PKD1L3: variants seen among roughly 807,000 people sequenced by gnomAD.
The protein encoded by PKD1L3 is polycystin 1 like 3, transient receptor potential channel interacting.
In PKD1L3, 239 loss-of-function variants were observed where a neutral mutation model predicts 184.1. The ratio of observed to expected loss-of-function variants is 1.30; its 90% CI spans 1.17 to 1.45. PKD1L3 has a LOEUF of 1.45. Among genes scored for constraint, PKD1L3 ranks in the 40% most tolerant of loss-of-function variants. The pLI, the probability that PKD1L3 is intolerant of heterozygous loss-of-function variation, is 0.00. For synonymous variants in PKD1L3, 996 were observed against 778.8 expected, an observed-to-expected ratio of 1.28 and a Z score of -4.64; for missense variants, 2,660 against 2,067.2, an observed-to-expected ratio of 1.29 and a Z score of -5.56.
intron 6 of PKD1L3, 42 bp from the exon 7 acceptor site, chr16:71,982,277 G>GGTTT: frequency 1.4e-6 from 1 of 690,260 alleles, no homozygotes; most frequent in Non-Finnish European, 1.9e-6. Flanking sequence ...TGAATTGTTT[G>GGTTT]CTTTTTTTTT....
chr16:71,947,656 G>T, intron 21 of PKD1L3, 65 bp from the exon 22 acceptor site: 1 of 1,114,328 alleles, frequency 9.0e-7, no homozygotes, highest in Non-Finnish European at 1.3e-6. Context: ...AATACCGTAT[G>T]TAAAGGAAGA....
At chr16:71,936,601 C>T (rs1329774852) in intron 25 of PKD1L3, among the ~76,000 whole-genome samples, 2 of 149,080 alleles carry the variant, frequency 1.3e-5, no homozygotes, top group Non-Finnish European at 3.0e-5. Context: ...CTCACTGCAA[C>T]CTCCGCCTCC....
intron 21 of PKD1L3, among the ~76,000 whole-genome samples, chr16:71,949,347 T>A (rs917872998): frequency 2.5e-5 from 3 of 122,426 alleles, no homozygotes; most frequent in African/African-American, 7.2e-5. Flanking sequence ...GTCAGTTTGC[T>A]TTTTTTTTTT....
intron 22 of PKD1L3, among the ~76,000 whole-genome samples, chr16:71,944,687 CA>C (rs2038493036): frequency 6.9e-6 from 1 of 145,866 alleles, no homozygotes; most frequent in African/African-American, 2.5e-5. Context: ...ATAGCAAGAC[CA>C]TATCTGTTTT....
intron 15 of PKD1L3, 82 bp from the exon 16 acceptor site, chr16:71,963,433 G>T (rs947052133): frequency 5.9e-6 from 8 of 1,346,564 alleles, no homozygotes; most frequent in South Asian, 3.3e-5. Context: ...CAGACCATTA[G>T]TAAACTGTCC....
intron 21 of PKD1L3, among the ~76,000 whole-genome samples, chr16:71,947,799 T>C (rs1177822668): frequency 2.6e-5 from 4 of 152,242 alleles, no homozygotes; most frequent in South Asian, 4.1e-4. Context: ...AATATTCATA[T>C]TTTTTGCTTA....
chr16:71,941,657 TCA>T (rs1208602954), intron 24 of PKD1L3, among the ~76,000 whole-genome samples: 1 of 144,230 alleles, frequency 6.9e-6, no homozygotes, highest in African/African-American at 2.6e-5. Flanking sequence ...CCGTCTCAGC[TCA>T]CTGCAACCTC....
Position 71,963,496 on chromosome 16 carries a change from T to C in PKD1L3, c.2466-145A>G, listed in dbSNP as rs927556443. ...CAAGAACTAAGGAAAGGAAAGAAAG[T>C]TGAGGCCAGACATGGTGATGCACAC... is the stretch of plus-strand genomic sequence containing the variant. On this transcript the variant is annotated intron_variant, in intron 15 of 29. Transcript: ENST00000620267. 30 of 901,022 alleles carry C rather than the reference T, an allele frequency of 3.3e-5. No homozygotes were observed. The South Asian group carries it at 5.5e-4, about 16-fold the overall frequency. 55.8% of individuals were successfully genotyped at this position (901,022 alleles called of 1,614,324 possible).
At position 71,986,341 on chromosome 16, in the gene PKD1L3, G is replaced by A. The variant is rs372906367; in HGVS notation, c.714C>T (p.Pro238=). 111 of 1,552,030 alleles carry A rather than the reference G, an allele frequency of 7.2e-5. No individual in the cohort carries two copies. The African/African-American group carries it at 1.3e-3, about 18-fold the overall frequency. ...PLPVITQLTM[P]VSVTHAGQSL... Reference sequence around the variant, plus strand: ...ATTGCCCAGCATGCGTGACAGACACGGGCATGGTGAGCTGTGTTATCACAG... The same window carrying A: ...ATTGCCCAGCATGCGTGACAGACACAGGCATGGTGAGCTGTGTTATCACAG... The change falls in exon 5 of 30, where the codon CCC becomes CCT. Residue 238 remains proline (P), a synonymous_variant. Coordinates refer to ENST00000620267, the MANE Select transcript of PKD1L3 (RefSeq NM_181536.2).
At chr16:71,960,540 AT>A (rs1372387372) in intron 16 of PKD1L3, among the ~76,000 whole-genome samples, 1 of 138,722 alleles carries the variant, frequency 7.2e-6, no homozygotes, top group Non-Finnish European at 1.5e-5. Context: ...GACCTATATA[AT>A]AAAAAAAAAA....
At chr16:71,934,606 G>T (rs2038110195) in intron 26 of PKD1L3, among the ~76,000 whole-genome samples, 1 of 152,206 alleles carries the variant, frequency 6.6e-6, no homozygotes, top group Admixed American at 6.5e-5. Flanking sequence ...TGGTAGACTA[G>T]AGGCGAGGGG....
At chr16:71,982,347 G>A (rs891018941) in intron 6 of PKD1L3, 112 bp from the exon 7 acceptor site, 32 of 937,636 alleles carry the variant, frequency 3.4e-5, no homozygotes, top group African/African-American at 1.1e-4. Flanking sequence ...GTGCAATGGC[G>A]TGATATCGAC....
chr16:71,978,223 T>C (rs994338482), intron 10 of PKD1L3, 32 bp downstream of exon 10: 3 of 1,537,826 alleles, frequency 2.0e-6, no homozygotes, highest in Non-Finnish European at 1.8e-6. Flanking sequence ...TCCCATTCTC[T>C]TCTATTTTAT....
chr16:71,943,628 A>T lies in PKD1L3; in HGVS notation c.3859+402T>A, dbSNP rs145340035. 6.6e-4 allele frequency among the ~76,000 whole-genome samples: 100 copies of T among 151,782 alleles called. No homozygotes were observed. In the East Asian group the frequency reaches 0.018, roughly 27 times the overall value. ...AAGCATGCACTCTGTCTCTCATGTG[A>T]TTGTGTTTACAAGAAGTGAAGTCAT... On this transcript the variant is annotated intron_variant, in intron 23 of 29. Coordinates refer to ENST00000620267, the MANE Select transcript of PKD1L3 (RefSeq NM_181536.2).
In PKD1L3 at chr16:71,977,318, G is replaced by A. The variant is rs2039966646; in HGVS notation, c.1677C>T (p.Leu559=). ...IDPDSPLLMT[L]YLGFQYQPNC... is the part of the protein sequence containing the mutation. ...TAGGCTGATACTGGAACCCCAGGTA[G>A]AGTGTCATTAAAAGGGGACTGTCAG... Residue 559 remains leucine (L), a synonymous_variant, in exon 11 of 30, where the codon CTC becomes CTT. Coordinates refer to ENST00000620267, the MANE Select transcript of PKD1L3 (RefSeq NM_181536.2). 4 of 1,545,122 alleles carry A rather than the reference G, an allele frequency of 2.6e-6. No individual in the cohort carries two copies. Among genetic ancestry groups the A allele is most frequent in the Admixed American group, 2.0e-5 (1 of 50,966 alleles).
intron 18 of PKD1L3, among the ~76,000 whole-genome samples, chr16:71,952,381 T>G (rs557556393): frequency 3.6e-4 from 55 of 151,358 alleles, no homozygotes; most frequent in Non-Finnish European, 6.8e-4. Context: ...CCTGGCTAAT[T>G]ATTATTTTTT....
At position 71,951,636 on chromosome 16, in the gene PKD1L3, A is replaced by G. The variant is rs1467960898; in HGVS notation, c.3118T>C (p.Leu1040=). 11 of 1,551,640 alleles carry G rather than the reference A, an allele frequency of 7.1e-6. No individual in the cohort carries two copies. Among genetic ancestry groups the G allele is most frequent in the African/African-American group, 1.4e-5 (1 of 73,042 alleles). Residue 1040 remains leucine, a synonymous_variant, in exon 19 of 30, where the codon TTA becomes CTA. Transcript: ENST00000620267. The stretch of plus-strand genomic sequence containing the variant: ...AAGTGAGATGATACGAGGCTGGATA[A>G]AAGTTTCACCAGCTTAGTAATGTCC... ...SWDITKLVKL[L]SSLVSSHLEG... is the part of the protein sequence containing the mutation.
intron 4 of PKD1L3, among the ~76,000 whole-genome samples, chr16:71,987,001 T>C (rs1284077733): frequency 7.3e-6 from 1 of 137,294 alleles, no homozygotes; most frequent in African/African-American, 2.8e-5. Flanking sequence ...CTCGGCTCAC[T>C]GCAGCCTCCG....
intron 16 of PKD1L3, among the ~76,000 whole-genome samples, chr16:71,959,017 G>A: frequency 2.0e-5 from 3 of 148,224 alleles, no homozygotes; most frequent in Non-Finnish European, 1.5e-5. Flanking sequence ...GTGGGAGGCA[G>A]AGGTTATAGT....
Sources: gnomAD v4.1 joint callset for allele counts (sites outside exome capture counted in the v4.1 genomes callset) on GRCh38, gnomAD v4.1.1 for gene constraint, MANE v1.5 for transcripts, NCBI Gene and HGNC (gene_info 2026-07-23, HGNC 2026-07-21) for gene names.